PCDHGA4: variants seen among roughly 807,000 people sequenced by gnomAD.
PCDHGA4 encodes protocadherin gamma subfamily A, 4.
In PCDHGA4, 38 loss-of-function variants were observed where a neutral mutation model predicts 54.6. That is an observed-to-expected ratio of 0.70 (90% CI 0.54 to 0.91). PCDHGA4 has a LOEUF of 0.91. Ranked by LOEUF, PCDHGA4 falls within the 40% of genes least tolerant of loss-of-function variation. The probability of loss-of-function intolerance (pLI) is 0.00; values close to 1 mark genes in which losing one functional copy is unlikely to be tolerated. For missense variants in PCDHGA4, 1,298 were observed against 1,220.9 expected (o/e 1.06, Z -0.94); for synonymous variants, 511 against 512.9 (o/e 1.00, Z 0.05).
At chr5:141,451,954 G>A (rs2098729151) in intron 1 of PCDHGA4, among the ~76,000 whole-genome samples, 1 of 152,084 alleles carries the variant, frequency 6.6e-6, no homozygotes, top group Non-Finnish European at 1.5e-5. Flanking sequence ...CCGAGAAAGT[G>A]ACATACCATC....
intron 1 of PCDHGA4, chr5:141,382,773 T>C: frequency 1.3e-6 from 1 of 782,328 alleles, no homozygotes; most frequent in Non-Finnish European, 2.0e-6. Context: ...CAGGCTGCAC[T>C]AAACTCAAGC....
chr5:141,423,864 G>A (rs180692491), intron 1 of PCDHGA4: 551 of 1,284,224 alleles, frequency 4.3e-4, no homozygotes, highest in Non-Finnish European at 5.0e-4. Context: ...TTTTGTGAAA[G>A]TCATTTTTCA....
At chr5:141,398,882 G>C in intron 1 of PCDHGA4, 1 of 1,613,930 alleles carries the variant, frequency 6.2e-7, no homozygotes, top group Non-Finnish European at 8.5e-7. Flanking sequence ...GTCAGCCTTC[G>C]GGAAAACGTG....
rs773014837 is a variant in PCDHGA4 at position 141,374,968 on chromosome 5, T to G, written c.2514+17347T>G. 114 of 1,614,056 alleles carry G rather than the reference T, an allele frequency of 7.1e-5. No individual in the cohort carries two copies. The highest frequency in any genetic ancestry group is 3.3e-4 in the Middle Eastern group (2 of 6,062). On this transcript the variant is annotated intron_variant, in intron 1 of 3. Transcript: ENST00000571252. ...AGATCTCACAAATTTTCTGTTTGAA[T>G]GTTTTGACTGGAGAAATTTCAACTT... is the stretch of plus-strand genomic sequence containing the variant.
At chr5:141,433,605 G>A (rs1411907056) in intron 1 of PCDHGA4, among the ~76,000 whole-genome samples, 1 of 152,114 alleles carries the variant, frequency 6.6e-6, no homozygotes, top group South Asian at 2.1e-4. Context: ...GGAGGCCGAG[G>A]CGGGTGGATC....
At chr5:141,361,998 G>A in intron 1 of PCDHGA4, 4 of 1,603,340 alleles carry the variant, frequency 2.5e-6, no homozygotes, top group Non-Finnish European at 2.5e-6. Flanking sequence ...GCCTGGGGTT[G>A]CGCACGGGTG....
chr5:141,393,634 A>G (rs1589198700), intron 1 of PCDHGA4: 3 of 1,613,848 alleles, frequency 1.9e-6, no homozygotes, highest in African/African-American at 2.7e-5. Flanking sequence ...GAGGGAATCA[A>G]CGGAAAAGTG....
At chr5:141,380,632 T>C (rs546554559) in intron 1 of PCDHGA4, among the ~76,000 whole-genome samples, 5 of 152,324 alleles carry the variant, frequency 3.3e-5, no homozygotes, top group Non-Finnish European at 7.3e-5. Flanking sequence ...ACTTAGAAAA[T>C]GTGAATGCTA....
At chr5:141,384,183 A>G (rs1779806989) in intron 1 of PCDHGA4, 11 of 1,613,812 alleles carry the variant, frequency 6.8e-6, no homozygotes, top group Non-Finnish European at 9.3e-6. Context: ...CAGATGGTGG[A>G]ACTCCTCCCT....
chr5:141,361,503 C>T (rs368091522), intron 1 of PCDHGA4: 95 of 1,613,900 alleles, frequency 5.9e-5, no homozygotes, highest in Non-Finnish European at 7.5e-5. Context: ...AACAGACTTC[C>T]TACATGGTTC....
chr5:141,407,345 T>C (rs1025383467), intron 1 of PCDHGA4, among the ~76,000 whole-genome samples: 2 of 152,188 alleles, frequency 1.3e-5, no homozygotes, highest in African/African-American at 4.8e-5. Flanking sequence ...TGTATGTTAA[T>C]TTGGGGAAAA....
At chr5:141,435,362 C>A (rs2097758711) in intron 1 of PCDHGA4, among the ~76,000 whole-genome samples, 1 of 152,120 alleles carries the variant, frequency 6.6e-6, no homozygotes, top group Admixed American at 6.6e-5. Flanking sequence ...AAAATTTTAT[C>A]ACTTAAATAT....
In PCDHGA4 at chr5:141,431,561, G is replaced by T; in HGVS notation, c.2515-63246G>T. The T allele has an allele frequency of 6.2e-7, 1 of 1,614,146 alleles. No homozygotes were observed. On this transcript the variant is annotated intron_variant, in intron 1 of 3. Transcript: ENST00000571252. This position sits in a 1 kb window ranked among gnomAD's most constrained non-coding sequence, Gnocchi z 4.8. Reference sequence around the variant, plus strand: ...GCAGCTGCTTGTAGTCAACGCTACCGACCCTGACGAAGGAGTCAATGCGGA... The same window carrying T: ...GCAGCTGCTTGTAGTCAACGCTACCTACCCTGACGAAGGAGTCAATGCGGA...
chr5:141,447,023 G>GTTT, intron 1 of PCDHGA4, among the ~76,000 whole-genome samples: 1 of 151,542 alleles, frequency 6.6e-6, no homozygotes, highest in African/African-American at 2.4e-5. Context: ...GTTTTGTTTT[G>GTTT]TTTTTTTTCT....
chr5:141,410,380 C>T, intron 1 of PCDHGA4: 1 of 1,614,072 alleles, frequency 6.2e-7, no homozygotes, highest in Non-Finnish European at 8.5e-7. Flanking sequence ...CTTGGGACTG[C>T]TTCCATCCTG....
At chr5:141,395,234 T>C in intron 1 of PCDHGA4, 1 of 1,601,772 alleles carries the variant, frequency 6.2e-7, no homozygotes, top group Non-Finnish European at 8.5e-7. Flanking sequence ...CTGATCATGG[T>C]CAGGTGAGTT....
chr5:141,360,853 C>T (rs1463247472), intron 1 of PCDHGA4: 9 of 1,613,874 alleles, frequency 5.6e-6, no homozygotes, highest in African/African-American at 1.3e-5. Flanking sequence ...CGATAACCCT[C>T]CAGTGTTCAG....
intron 1 of PCDHGA4, among the ~76,000 whole-genome samples, chr5:141,437,980 C>T (rs1198278358): frequency 1.3e-5 from 2 of 152,050 alleles, no homozygotes; most frequent in Non-Finnish European, 2.9e-5. Flanking sequence ...TTGGGATGCA[C>T]CCACCCCACC....
At chr5:141,371,952 T>C (rs1377821829) in intron 1 of PCDHGA4, 1 of 1,613,142 alleles carries the variant, frequency 6.2e-7, no homozygotes, top group African/African-American at 1.3e-5. Flanking sequence ...GCAGCGAGCC[T>C]TCGACCACGA....
Sources: gnomAD v4.1 joint callset for allele counts (sites outside exome capture counted in the v4.1 genomes callset) on GRCh38, gnomAD v4.1.1 for gene constraint, Gnocchi (gnomAD v3.1) non-coding constraint, MANE v1.5 for transcripts, NCBI Gene and HGNC (gene_info 2026-07-23, HGNC 2026-07-21) for gene names.